Variants in MOB3B observed in about 807,000 individuals in gnomAD.
MOB3B encodes MOB kinase activator-like 2B.
Under a neutral mutation model 18.7 loss-of-function variants are expected in MOB3B, and 7 were observed. That is an observed-to-expected ratio of 0.37 (90% confidence interval 0.21 to 0.70). The LOEUF (loss-of-function observed/expected upper bound fraction) is 0.70, where lower values mean the gene tolerates loss of function less well. MOB3B is among the 30% of genes least tolerant of loss of function. The probability of loss-of-function intolerance (pLI) is 0.52; values close to 1 mark genes in which losing one functional copy is unlikely to be tolerated. For synonymous variants in MOB3B, 111 were observed against 99.9 expected (o/e 1.11, Z -0.66); for missense variants, 253 against 281.3 (o/e 0.90, Z 0.72).
intron 2 of MOB3B, among the ~76,000 whole-genome samples, chr9:27,445,953 G>T (rs1223036476): frequency 6.6e-6 from 1 of 152,130 alleles, no homozygotes; most frequent in Non-Finnish European, 1.5e-5. Flanking sequence ...GACGACCTGG[G>T]CTGGATGATG....
At position 27,330,397 on chromosome 9, in the gene MOB3B, G is replaced by T; in HGVS notation, c.*190C>A. 1.5e-6 allele frequency: 1 copy of T among 664,034 alleles called. No homozygotes were observed. Among genetic ancestry groups the T allele is most frequent in the Non-Finnish European group, 2.5e-6 (1 of 396,466 alleles). 41.1% of individuals were successfully genotyped at this position (664,034 alleles called of 1,614,324 possible). A position where few individuals can be genotyped will look rare whatever the true frequency, so the allele number is the denominator to read the frequency against. ...TGGTCTGCCTCGTCCACAGGTCTGG[G>T]CTAGCAGCACTCAGAAGGTTAAGAG... On this transcript the variant is annotated 3_prime_UTR_variant, in exon 4 of 4. Transcript: ENST00000262244.
chr9:27,518,440 G>C (rs1302175435), intron 1 of MOB3B, among the ~76,000 whole-genome samples: 1 of 152,184 alleles, frequency 6.6e-6, no homozygotes, highest in African/African-American at 2.4e-5. Flanking sequence ...CCCCATTCGG[G>C]CTCAAAAGGA....
In MOB3B at chr9:27,455,217, G is replaced by A; in HGVS notation, c.334C>T (p.Leu112=). Residue 112 remains leucine (L), a synonymous_variant, in exon 2 of 4, where the codon CTG becomes TTG. Transcript: ENST00000262244. The part of the protein sequence containing the change: ...DDLKYKKPTA[L]PAPQYMNLLM... ...AGGTTCATGTACTGGGGAGCTGGCAGCGCTGTTGGCTTCTTATACTTGAGA... is the reference window on the plus strand; with the variant it reads ...AGGTTCATGTACTGGGGAGCTGGCAACGCTGTTGGCTTCTTATACTTGAGA... The A allele has an allele frequency of 6.2e-7, 1 of 1,614,170 alleles. No homozygotes were observed. Among genetic ancestry groups the A allele is most frequent in the Non-Finnish European group, 8.5e-7 (1 of 1,180,030 alleles).
At chr9:27,337,831 T>C (rs1820885321) in intron 3 of MOB3B, among the ~76,000 whole-genome samples, 2 of 152,166 alleles carry the variant, frequency 1.3e-5, no homozygotes, top group African/African-American at 4.8e-5. Context: ...TCAGGGGCTG[T>C]GGAATCAAAA....
At chr9:27,441,453 T>C (rs942282450) in intron 2 of MOB3B, among the ~76,000 whole-genome samples, 1 of 152,090 alleles carries the variant, frequency 6.6e-6, no homozygotes, top group East Asian at 1.9e-4. Context: ...AAAATAAGGG[T>C]TCCTTGAACA....
chr9:27,420,262 C>A (rs772310472), intron 2 of MOB3B, among the ~76,000 whole-genome samples: 14 of 151,948 alleles, frequency 9.2e-5, no homozygotes, highest in Non-Finnish European at 2.1e-4. Flanking sequence ...CCTTAAAGAA[C>A]TAAAAGTAGA....
intron 2 of MOB3B, among the ~76,000 whole-genome samples, chr9:27,444,300 GAAGA>G (rs1212801742): frequency 8.0e-5 from 7 of 87,156 alleles, no homozygotes; most frequent in African/African-American, 2.0e-4. Context: ...AGGAAGGAAG[GAAGA>G]AAGGAAGGAA....
chr9:27,428,408 G>A (rs1232233716), intron 2 of MOB3B, among the ~76,000 whole-genome samples: 1 of 152,176 alleles, frequency 6.6e-6, no homozygotes, highest in Non-Finnish European at 1.5e-5. Flanking sequence ...GTAAGAAAGC[G>A]GTTGGGGAGA....
intron 1 of MOB3B, among the ~76,000 whole-genome samples, chr9:27,497,513 A>G (rs918571698): frequency 3.3e-5 from 5 of 152,024 alleles, no homozygotes; most frequent in African/African-American, 9.7e-5. Context: ...TAAAAAATAT[A>G]TATACATATT....
intron 1 of MOB3B, among the ~76,000 whole-genome samples, chr9:27,473,919 G>C (rs1356652626): frequency 6.6e-6 from 1 of 152,150 alleles, no homozygotes; most frequent in East Asian, 1.9e-4. Context: ...GTTTGGTTAT[G>C]AGGGCTCTAC....
chr9:27,411,375 C>T (rs545017519), intron 2 of MOB3B, among the ~76,000 whole-genome samples: 1 of 152,330 alleles, frequency 6.6e-6, no homozygotes, highest in Non-Finnish European at 1.5e-5. Flanking sequence ...CTAATTGTTT[C>T]AGCTAGGGCT....
intron 1 of MOB3B, among the ~76,000 whole-genome samples, chr9:27,457,776 C>T (rs1445267877): frequency 6.6e-6 from 1 of 152,158 alleles, no homozygotes; most frequent in Non-Finnish European, 1.5e-5. Flanking sequence ...TCACATGAAA[C>T]TTTCTGCCTG....
At chr9:27,423,280 A>T (rs1031902958) in intron 2 of MOB3B, among the ~76,000 whole-genome samples, 1 of 152,182 alleles carries the variant, frequency 6.6e-6, no homozygotes, top group Admixed American at 6.5e-5. Flanking sequence ...TGAACTGCTA[A>T]ACATTAAAAG....
intron 2 of MOB3B, among the ~76,000 whole-genome samples, chr9:27,387,216 T>C (rs1821660694): frequency 6.6e-6 from 1 of 152,220 alleles, no homozygotes; most frequent in African/African-American, 2.4e-5. Context: ...GTAGGAATCA[T>C]GATTTCTAAA....
At chr9:27,358,840 G>A (rs374434346) in intron 3 of MOB3B, 194 bp downstream of exon 3, 6 of 759,066 alleles carry the variant, frequency 7.9e-6, no homozygotes, top group Non-Finnish European at 1.4e-5. Flanking sequence ...GGTAATCTCG[G>A]ACACTTATTT....
chr9:27,469,020 T>G (rs1016033838), intron 1 of MOB3B, among the ~76,000 whole-genome samples: 1 of 152,204 alleles, frequency 6.6e-6, no homozygotes, highest in South Asian at 2.1e-4. Flanking sequence ...TGTAAAGATC[T>G]TTGCAATACC....
intron 2 of MOB3B, among the ~76,000 whole-genome samples, chr9:27,408,872 C>T (rs1382601040): frequency 6.6e-6 from 1 of 152,200 alleles, no homozygotes; most frequent in Non-Finnish European, 1.5e-5. Flanking sequence ...GAACCCATGG[C>T]ACCCTTCCTG....
intron 2 of MOB3B, among the ~76,000 whole-genome samples, chr9:27,416,523 C>A (rs1822150481): frequency 6.7e-6 from 1 of 149,530 alleles, no homozygotes; most frequent in African/African-American, 2.5e-5. Context: ...TCTGTGGAAC[C>A]CCTGGAGTAA....
At position 27,402,367 on chromosome 9, in the gene MOB3B, C is replaced by A. The variant is rs7045713; in HGVS notation, c.419-43131G>T. Reference sequence around the variant, plus strand: ...TCTATCTTGATTCCCACACAATGCCCGGCACAGCACTTCACAGATAGAAGG... The same window carrying A: ...TCTATCTTGATTCCCACACAATGCCAGGCACAGCACTTCACAGATAGAAGG... On this transcript the variant is annotated intron_variant, in intron 2 of 3. Transcript: ENST00000262244. 1.4e-4 allele frequency among the ~76,000 whole-genome samples: 22 copies of A among 152,214 alleles called. No individual in the cohort carries two copies. In the East Asian group the frequency reaches 4.1e-3, roughly 28 times the overall value.
Sources: gnomAD v4.1 joint callset for allele counts (sites outside exome capture counted in the v4.1 genomes callset) on GRCh38, gnomAD v4.1.1 for gene constraint, MANE v1.5 for transcripts, NCBI Gene and HGNC (gene_info 2026-07-23, HGNC 2026-07-21) for gene names.